TPM3: variants seen among roughly 807,000 people sequenced by gnomAD.
TPM3 encodes tropomyosin alpha-3 chain.
TPM3 carries 16 observed loss-of-function variants against 43.1 expected under a neutral mutation model. That is an observed-to-expected ratio of 0.37 (90% CI 0.25 to 0.56). The LOEUF (loss-of-function observed/expected upper bound fraction) is 0.56. TPM3 is among the 20% of genes least tolerant of loss of function. The pLI is 0.77. For missense variants in TPM3, 176 were observed against 337.2 expected (o/e 0.52, Z 3.74); for synonymous variants, 101 against 116.9 (o/e 0.86, Z 0.88).
Position 154,163,839 on chromosome 1 carries a change from C to T in TPM3, c.*4098G>A, listed in dbSNP as rs548171488. Among the ~76,000 whole-genome samples the T allele has an allele frequency of 3.9e-5, 6 of 152,082 alleles. No homozygotes were observed. The highest frequency in any genetic ancestry group is 1.2e-4 in the African/African-American group (5 of 41,488). ...TAGTAGAGACGGGGTTTCAACGTGT[C>T]AGCCAGGATGGTCTTGATCTCCTGA... On this transcript the variant is annotated 3_prime_UTR_variant, in exon 10 of 10. Transcript: ENST00000651641.
At chr1:154,180,023 AAG>A (rs749832386) in intron 2 of TPM3, among the ~76,000 whole-genome samples, 46 of 152,352 alleles carry the variant, frequency 3.0e-4, no homozygotes, top group Middle Eastern at 3.4e-3. Flanking sequence ...CACAAAAAAA[AAG>A]AGATAAGGAA....
rs1175041253 is a variant in TPM3 at position 154,164,512 on chromosome 1, T to C, written c.*3425A>G. 6.6e-6 allele frequency among the ~76,000 whole-genome samples: 1 copy of C among 152,186 alleles called. No individual in the cohort carries two copies. The highest frequency in any genetic ancestry group is 1.5e-5 in the Non-Finnish European group (1 of 68,034). ...CCTTGTCTTTCCTCCTCACATCAAG[T>C]GGCCAGGCCTTTCACAATGCCTGTC... On this transcript the variant is annotated 3_prime_UTR_variant, in exon 10 of 10. Transcript: ENST00000651641.
Position 154,169,311 on chromosome 1 carries a change from G to T in TPM3, c.848C>A (p.Thr283Asn), listed in dbSNP as rs779897766. The change falls in exon 9 of 10, where the codon ACC (threonine) becomes AAC (asparagine). Residue 283 changes from threonine (T) to asparagine (N), a missense_variant. By Grantham distance (65) the Thr-to-Asn change is moderately conservative (BLOSUM62 0). This residue lies in a region of TPM3 where 26 missense variants were observed against 21.8 expected (regional missense o/e 1.19). Transcript: ENST00000651641. ...EELDHALNDM[T>N]SI The stretch of plus-strand genomic sequence containing the variant: ...TCTACTGTCAGATAGTTACATAGAG[G>T]TCATGTCATTGAGGGCGTGGTCCAG... 46 of 1,614,074 alleles carry T rather than the reference G, an allele frequency of 2.8e-5. 2 individuals are homozygous for T. In the South Asian group the frequency reaches 4.9e-4, roughly 17 times the overall value.
chr1:154,157,665 T>C, downstream of TPM3: 1 of 780,368 alleles, frequency 1.3e-6, no homozygotes. Context: ...TCAAGCAGGG[T>C]CTGGTCCAGC....
chr1:154,174,385 T>TATATATATATATATATATAC (rs1442245123), intron 3 of TPM3, among the ~76,000 whole-genome samples: 226 of 94,310 alleles, frequency 2.4e-3, no homozygotes, highest in Non-Finnish European at 3.7e-3. Context: ...TATATATATA[T>TATATATATATATATATATAC]ATATATATAT....
At position 154,162,328 on chromosome 1, in the gene TPM3, G is replaced by A. The variant is rs1411836094; in HGVS notation, c.*5609C>T. Among the ~76,000 whole-genome samples the A allele has an allele frequency of 4.7e-5, 6 of 127,574 alleles. No homozygotes were observed. The highest frequency in any genetic ancestry group is 4.9e-4 in the South Asian group (2 of 4,058). 83.7% of individuals were successfully genotyped at this position (127,574 alleles called of 152,430 possible). On this transcript the variant is annotated 3_prime_UTR_variant, in exon 10 of 10. Coordinates refer to ENST00000651641, the MANE Select transcript of TPM3 (RefSeq NM_152263.4). Reference sequence around the variant, plus strand: ...TGCAGTGAGCCAAGATCACACCACCGCACTCCAGCCTGGGCAACAGAGCAA... The same window carrying A: ...TGCAGTGAGCCAAGATCACACCACCACACTCCAGCCTGGGCAACAGAGCAA...
chr1:154,172,090 A>C (rs775677463), intron 5 of TPM3: 1 of 1,614,190 alleles, frequency 6.2e-7, no homozygotes, highest in South Asian at 1.1e-5. Context: ...CTGCTCATCC[A>C]TCTCTCGGCA....
At chr1:154,159,421 T>C (rs1660129206), downstream of TPM3, among the ~76,000 whole-genome samples, 1 of 152,132 alleles carries the variant, frequency 6.6e-6, no homozygotes, top group African/African-American at 2.4e-5. Context: ...ATAATCAGGG[T>C]TTGAAAGGAA....
chr1:154,169,153 G>A, intron 9 of TPM3, 152 bp downstream of exon 9: 1 of 928,950 alleles, frequency 1.1e-6, no homozygotes, highest in Non-Finnish European at 1.7e-6. Flanking sequence ...CAAAGCTTTT[G>A]CCAAACAAAT....
At chr1:154,189,404 C>G (rs1432230887) in intron 2 of TPM3, among the ~76,000 whole-genome samples, 1 of 152,094 alleles carries the variant, frequency 6.6e-6, no homozygotes, top group Non-Finnish European at 1.5e-5. Context: ...AGGAGAATGG[C>G]TTGAATCCAG....
At position 154,192,099 on chromosome 1, in the gene TPM3, G is replaced by A. The variant is rs1571456791; in HGVS notation, c.-81C>T. Reference sequence around the variant, plus strand: ...CAAGAAAGAAGGGGCTGCTGCCTGAGTGACCAGGAGGTCCCCAGACTTGAG... The same window carrying A: ...CAAGAAAGAAGGGGCTGCTGCCTGAATGACCAGGAGGTCCCCAGACTTGAG... On this transcript the variant is annotated 5_prime_UTR_variant, in exon 1 of 10. Transcript: ENST00000651641. The A allele has an allele frequency of 2.1e-5, 25 of 1,190,772 alleles. No homozygotes were observed. The South Asian group carries it at 2.6e-4, about 12-fold the overall frequency. The allele number at this position is 1,190,772 out of a possible 1,614,324, so 73.8% of individuals were successfully genotyped here.
chr1:154,171,512 GGA>G, intron 5 of TPM3, 24 bp from the exon 6 acceptor site: 1 of 1,612,314 alleles, frequency 6.2e-7, no homozygotes. Context: ...AAATACCACA[GGA>G]GAGGAAAAGG....
At chr1:154,183,381 T>C in intron 2 of TPM3, 1 of 1,245,760 alleles carries the variant, frequency 8.0e-7, no homozygotes. Flanking sequence ...GCCAGTAAAC[T>C]GGGACGGGGT....
chr1:154,178,086 A>G, intron 2 of TPM3: 1 of 963,172 alleles, frequency 1.0e-6, no homozygotes, highest in Non-Finnish European at 1.2e-6. Context: ...GGCAAGACCT[A>G]GGAGACACTG....
chr1:154,158,693 A>G (rs1486579502), downstream of TPM3: 1 of 464,586 alleles, frequency 2.2e-6, no homozygotes, highest in African/African-American at 1.9e-5. Flanking sequence ...AGAGCAGCAA[A>G]TAAGGGTGGA....
At chr1:154,181,408 T>C (rs1440355275) in intron 2 of TPM3, among the ~76,000 whole-genome samples, 3 of 151,966 alleles carry the variant, frequency 2.0e-5, no homozygotes, top group Non-Finnish European at 1.5e-5. Context: ...AACAAAAACT[T>C]ACCAAGGGAA....
At chr1:154,155,323 T>G, downstream of TPM3, 1 of 443,270 alleles carries the variant, frequency 2.3e-6, no homozygotes, top group Non-Finnish European at 4.1e-6. Context: ...AAAAAACCCT[T>G]TAATTTCTTC....
chr1:154,172,543 C>A (rs975504180), intron 5 of TPM3: 2 of 469,544 alleles, frequency 4.3e-6, no homozygotes, highest in African/African-American at 2.0e-5. Context: ...CAGGTTTGAG[C>A]CACCACACCC....
chr1:154,175,078 T>TC (rs1662142333), intron 3 of TPM3, among the ~76,000 whole-genome samples: 1 of 151,456 alleles, frequency 6.6e-6, no homozygotes, highest in Non-Finnish European at 1.5e-5. Flanking sequence ...ACGCCTGTAA[T>TC]CCCAGCACAC....
Sources: gnomAD v4.1 joint callset for allele counts (sites outside exome capture counted in the v4.1 genomes callset) on GRCh38, gnomAD v4.1.1 for gene constraint, gnomAD v4.1.1 regional missense constraint, MANE v1.5 for transcripts, NCBI Gene and HGNC (gene_info 2026-07-23, HGNC 2026-07-21) for gene names.